The following SNTG1 variants were observed in gnomAD, a reference collection of about 807,000 sequenced individuals.
SNTG1 encodes the protein gamma-1-syntrophin.
SNTG1 carries 39 observed loss-of-function variants against 74.7 expected under a neutral mutation model. The ratio of observed to expected loss-of-function variants is 0.52; its 90% CI spans 0.40 to 0.68. The LOEUF is 0.68. Ranked by LOEUF, SNTG1 falls within the 30% of genes least tolerant of loss-of-function variation. The pLI is 0.00. For missense variants in SNTG1, 685 were observed against 609.5 expected (o/e 1.12, Z -1.30); for synonymous variants, 254 against 217.1 (o/e 1.17, Z -1.49).
chr8:50,536,864 A>G, intron 11 of SNTG1, 56 bp downstream of exon 11: 1 of 1,599,418 alleles, frequency 6.3e-7, no homozygotes, highest in Non-Finnish European at 8.5e-7. Flanking sequence ...GAGACCTTTT[A>G]GAAAACCTTT....
chr8:50,039,908 C>G (rs1404956124), intron 1 of SNTG1, among the ~76,000 whole-genome samples: 1 of 152,108 alleles, frequency 6.6e-6, no homozygotes, highest in African/African-American at 2.4e-5. Context: ...AGGCCTTTGC[C>G]TGCTACGGAA....
chr8:50,375,684 T>C (rs1027558596), intron 2 of SNTG1, among the ~76,000 whole-genome samples: 4 of 152,114 alleles, frequency 2.6e-5, no homozygotes. Flanking sequence ...ACGATGAACA[T>C]TTGGAATTTT....
chr8:50,257,076 C>A (rs1223656598), intron 2 of SNTG1, among the ~76,000 whole-genome samples: 1 of 151,728 alleles, frequency 6.6e-6, no homozygotes, highest in Non-Finnish European at 1.5e-5. Context: ...GCATGAAGCA[C>A]CCCCACCAGC....
chr8:50,073,475 G>A (rs758171059), intron 1 of SNTG1, among the ~76,000 whole-genome samples: 3 of 152,042 alleles, frequency 2.0e-5, no homozygotes, highest in South Asian at 4.2e-4. Flanking sequence ...CATGAGGCTT[G>A]GAATCTACTT....
At chr8:50,737,192 G>A (rs1220795713) in intron 17 of SNTG1, among the ~76,000 whole-genome samples, 1 of 151,542 alleles carries the variant, frequency 6.6e-6, no homozygotes, top group Non-Finnish European at 1.5e-5. Flanking sequence ...AGAGAAAAGA[G>A]TGAAATAGAA....
At chr8:50,431,031 A>G (rs2131524479) in intron 4 of SNTG1, among the ~76,000 whole-genome samples, 1 of 152,254 alleles carries the variant, frequency 6.6e-6, no homozygotes, top group East Asian at 1.9e-4. Flanking sequence ...TCATTTCCAC[A>G]GTGACTTAGG....
At chr8:50,547,046 G>T (rs1171995086) in intron 11 of SNTG1, among the ~76,000 whole-genome samples, 1 of 152,148 alleles carries the variant, frequency 6.6e-6, no homozygotes, top group African/African-American at 2.4e-5. Context: ...GTATCCCAAA[G>T]TTCTGGGATT....
intron 2 of SNTG1, among the ~76,000 whole-genome samples, chr8:50,216,453 G>T (rs1257809875): frequency 1.3e-5 from 2 of 152,064 alleles, no homozygotes; most frequent in African/African-American, 2.4e-5. Context: ...TAAGAGTCTG[G>T]CATGAGGGAA....
rs2080730193 is a variant in SNTG1, at chr8:50,114,391, G to A, written c.-102-58170G>A. Among the ~76,000 whole-genome samples, 3 of 152,108 alleles carry A rather than the reference G, an allele frequency of 2.0e-5. No individual in the cohort carries two copies. The South Asian group carries it at 6.2e-4, about 31-fold the overall frequency. ...TATCTGTGACAATATGGATGAACCT[G>A]GAGGACATTGTGCTAAATGAAATAA... On this transcript the variant is annotated intron_variant, in intron 1 of 18. Coordinates refer to ENST00000642720, the MANE Select transcript of SNTG1 (RefSeq NM_018967.5).
intron 16 of SNTG1, among the ~76,000 whole-genome samples, 164 bp downstream of exon 16, chr8:50,704,916 G>T (rs73678625): frequency 0.022 from 3,301 of 152,214 alleles, 102 homozygotes; most frequent in African/African-American, 0.071. Flanking sequence ...TAGTAATACA[G>T]CTCTGAATAA....
chr8:50,704,621 C>A lies in SNTG1; in HGVS notation c.1060C>A (p.Arg354=), dbSNP rs756659910. ...ILKDSDLLDR[R]KQCFTVQSES... Reference sequence around the variant, plus strand: ...CCAGGACAGTGACCTGCTGGACCGACGGAAACAGTGCTTCACCGTGCAGTC... The same window carrying A: ...CCAGGACAGTGACCTGCTGGACCGAAGGAAACAGTGCTTCACCGTGCAGTC... Residue 354 remains arginine, a synonymous_variant, in exon 16 of 19, where the codon CGG becomes AGG. Transcript: ENST00000642720. The A allele has an allele frequency of 6.2e-7, 1 of 1,614,064 alleles. No homozygotes were observed. The highest frequency in any genetic ancestry group is 1.3e-5 in the African/African-American group (1 of 75,010).
intron 3 of SNTG1, among the ~76,000 whole-genome samples, chr8:50,394,758 A>G (rs1249057773): frequency 1.3e-5 from 2 of 152,128 alleles, no homozygotes; most frequent in African/African-American, 4.8e-5. Flanking sequence ...TTCAAGGATG[A>G]TAAACAGTGT....
intron 1 of SNTG1, among the ~76,000 whole-genome samples, chr8:50,038,436 C>G (rs1489679532): frequency 6.6e-6 from 1 of 152,066 alleles, no homozygotes; most frequent in African/African-American, 2.4e-5. Context: ...CTCTATCACT[C>G]CTCTCTCCAA....
At chr8:50,683,423 C>T (rs1368919183) in intron 15 of SNTG1, among the ~76,000 whole-genome samples, 1 of 152,052 alleles carries the variant, frequency 6.6e-6, no homozygotes, top group Non-Finnish European at 1.5e-5. Flanking sequence ...ACTCAGAAGC[C>T]AGGCCAAAGA....
At chr8:50,658,688 T>A (rs763219178) in intron 15 of SNTG1, 25 bp downstream of exon 15, 4 of 1,536,824 alleles carry the variant, frequency 2.6e-6, no homozygotes, top group Non-Finnish European at 2.7e-6. Flanking sequence ...TAGTCAGTAT[T>A]TGAATGGCTT....
At chr8:50,191,651 C>A (rs2131786088) in intron 2 of SNTG1, among the ~76,000 whole-genome samples, 1 of 152,184 alleles carries the variant, frequency 6.6e-6, no homozygotes, top group African/African-American at 2.4e-5. Context: ...TGCTGGTTTG[C>A]TGAACCTGTC....
At chr8:50,608,277 A>G (rs765214969) in intron 13 of SNTG1, among the ~76,000 whole-genome samples, 2 of 151,724 alleles carry the variant, frequency 1.3e-5, no homozygotes, top group Admixed American at 1.3e-4. Flanking sequence ...TAGTTTTTCT[A>G]TCAATTATTA....
At chr8:50,193,108 G>A (rs889188388) in intron 2 of SNTG1, among the ~76,000 whole-genome samples, 1 of 151,850 alleles carries the variant, frequency 6.6e-6, no homozygotes, top group African/African-American at 2.4e-5. Context: ...TGTTCTTTTT[G>A]CTTAGTCTGC....
At chr8:50,139,377 C>A (rs919381613) in intron 1 of SNTG1, among the ~76,000 whole-genome samples, 1 of 152,032 alleles carries the variant, frequency 6.6e-6, no homozygotes, top group Non-Finnish European at 1.5e-5. Context: ...ACTTATTTGC[C>A]TAGGTAAACC....
Sources: gnomAD v4.1 joint callset for allele counts (sites outside exome capture counted in the v4.1 genomes callset) on GRCh38, gnomAD v4.1.1 for gene constraint, MANE v1.5 for transcripts, NCBI Gene and HGNC (gene_info 2026-07-23, HGNC 2026-07-21) for gene names.